The following LDLRAD4 variants were observed in gnomAD, a reference collection of about 807,000 sequenced individuals.
LDLRAD4 encodes the protein low density lipoprotein receptor class A domain containing 4, also known as low-density lipoprotein receptor class A domain-containing protein 4.
In LDLRAD4, 5 loss-of-function variants were observed where a neutral mutation model predicts 17.0. The ratio of observed to expected loss-of-function variants is 0.29; its 90% CI spans 0.15 to 0.62. The LOEUF (loss-of-function observed/expected upper bound fraction) is 0.62. LDLRAD4 is among the 20% of genes least tolerant of loss of function. LDLRAD4 has a pLI of 0.84. For missense variants in LDLRAD4, 340 were observed against 424.7 expected (o/e 0.80, Z 1.75); for synonymous variants, 168 against 171.8 (o/e 0.98, Z 0.17).
chr18:13,612,311 G>A, intron 3 of LDLRAD4: 1 of 1,051,166 alleles, frequency 9.5e-7, no homozygotes, highest in Non-Finnish European at 1.1e-6. Flanking sequence ...GATAGACGTT[G>A]CTGTAAACAG....
chr18:13,456,200 ATGAC>A (rs1241972709), intron 3 of LDLRAD4, among the ~76,000 whole-genome samples: 1 of 152,170 alleles, frequency 6.6e-6, no homozygotes, highest in Non-Finnish European at 1.5e-5. Context: ...AATTACCAAA[ATGAC>A]TGGCTGTGGT....
chr18:13,536,271 AC>A (rs1379151090), intron 3 of LDLRAD4, among the ~76,000 whole-genome samples: 2 of 152,208 alleles, frequency 1.3e-5, no homozygotes, highest in Non-Finnish European at 1.5e-5. Flanking sequence ...CAATTCATTA[AC>A]ATGGTATATC....
At chr18:13,442,511 G>A (rs989924898) in intron 3 of LDLRAD4, among the ~76,000 whole-genome samples, 3 of 152,214 alleles carry the variant, frequency 2.0e-5, no homozygotes, top group Non-Finnish European at 4.4e-5. Context: ...GGGCCCGCGT[G>A]GGGCACGGCT....
At chr18:13,283,533 C>G (rs774945332) in intron 1 of LDLRAD4, among the ~76,000 whole-genome samples, 45 of 152,184 alleles carry the variant, frequency 3.0e-4, no homozygotes, top group African/African-American at 1.1e-3. Context: ...CAGTTCCCAA[C>G]AAGTTCCTCA....
chr18:13,259,672 T>C (rs1439342203), intron 1 of LDLRAD4, among the ~76,000 whole-genome samples: 1 of 152,176 alleles, frequency 6.6e-6, no homozygotes, highest in African/African-American at 2.4e-5. Flanking sequence ...TTTCTGATTC[T>C]CCCCTATAAT....
At chr18:13,405,296 A>G (rs1459429159) in intron 2 of LDLRAD4, among the ~76,000 whole-genome samples, 1 of 152,158 alleles carries the variant, frequency 6.6e-6, no homozygotes, top group Non-Finnish European at 1.5e-5. Context: ...TAGAGAGACA[A>G]TACATCTTGT....
chr18:13,582,873 G>A (rs2094882812), intron 3 of LDLRAD4, among the ~76,000 whole-genome samples: 1 of 152,102 alleles, frequency 6.6e-6, no homozygotes, highest in Non-Finnish European at 1.5e-5. Context: ...CCGCTGTGCT[G>A]GCTAATTTTT....
At chr18:13,373,944 AAT>A (rs1362169211) in intron 1 of LDLRAD4, among the ~76,000 whole-genome samples, 1 of 152,184 alleles carries the variant, frequency 6.6e-6, no homozygotes, top group African/African-American at 2.4e-5. Context: ...CTTCTTTGAT[AAT>A]ATGTCTACAT....
At chr18:13,364,672 G>T (rs1485593199) in intron 1 of LDLRAD4, among the ~76,000 whole-genome samples, 1 of 152,154 alleles carries the variant, frequency 6.6e-6, no homozygotes, top group Non-Finnish European at 1.5e-5. Flanking sequence ...GTATGGAGGG[G>T]CCATGTCATG....
chr18:13,335,380 C>T (rs2082057126), intron 1 of LDLRAD4, among the ~76,000 whole-genome samples: 1 of 152,180 alleles, frequency 6.6e-6, no homozygotes, highest in African/African-American at 2.4e-5. Context: ...TTTTTCATCA[C>T]ATTTGAATGA....
chr18:13,584,204 A>T (rs2094905049), intron 3 of LDLRAD4, among the ~76,000 whole-genome samples: 3 of 152,192 alleles, frequency 2.0e-5, no homozygotes, highest in African/African-American at 7.2e-5. Flanking sequence ...GTTGTCCCAG[A>T]CACACTGTGC....
rs929315758 is a variant in LDLRAD4, at chr18:13,622,616, A to G, written c.336+1345A>G. ...TGTCTGGTGTCCACAGAGCTGCGCC[A>G]TCCAGACGCACTGAACACTTTGGCA... On this transcript the variant is annotated intron_variant, in intron 4 of 5. Transcript: ENST00000359446. The surrounding 1 kb of genome is among the most constrained non-coding windows in gnomAD (Gnocchi z 5.3). Among the ~76,000 whole-genome samples the G allele has an allele frequency of 1.3e-5, 2 of 152,286 alleles. No homozygotes were observed. The highest frequency in any genetic ancestry group is 4.1e-4 in the South Asian group (2 of 4,828).
At chr18:13,436,542 G>A (rs2090670147) in intron 2 of LDLRAD4, among the ~76,000 whole-genome samples, 1 of 152,176 alleles carries the variant, frequency 6.6e-6, no homozygotes, top group Non-Finnish European at 1.5e-5. Context: ...TAGCAACACA[G>A]GGAGTACCTG....
rs572636214 is a variant in LDLRAD4 at position 13,651,715 on chromosome 18, G to A, written c.*6058G>A. The A allele has an allele frequency of 3.3e-5, 5 of 152,284 alleles. No homozygotes were observed. In the East Asian group the frequency reaches 9.6e-4, roughly 29 times the overall value. 9.4% of individuals were successfully genotyped at this position (152,284 alleles called of 1,614,324 possible). On this transcript the variant is annotated 3_prime_UTR_variant, in exon 6 of 6. Coordinates refer to ENST00000359446, the Ensembl canonical transcript of LDLRAD4. Reference sequence around the variant, plus strand: ...GGGTGTGGGCATCCTTTCGAGTGTTGTCCATAAGAGCAGTTCGTGGAATTT... The same window carrying A: ...GGGTGTGGGCATCCTTTCGAGTGTTATCCATAAGAGCAGTTCGTGGAATTT...
intron 3 of LDLRAD4, among the ~76,000 whole-genome samples, chr18:13,501,953 T>G (rs1307607253): frequency 6.6e-6 from 1 of 152,252 alleles, no homozygotes; most frequent in Non-Finnish European, 1.5e-5. Flanking sequence ...ATGCTTTTAC[T>G]CCACTGGCTT....
At chr18:13,402,692 A>G (rs2087340752) in intron 2 of LDLRAD4, among the ~76,000 whole-genome samples, 1 of 152,198 alleles carries the variant, frequency 6.6e-6, no homozygotes. Context: ...CATATGTTGA[A>G]TGAATGAAAT....
intron 3 of LDLRAD4, among the ~76,000 whole-genome samples, chr18:13,541,000 G>A (rs888899986): frequency 2.0e-5 from 3 of 152,124 alleles, no homozygotes; most frequent in African/African-American, 4.8e-5. Context: ...AGGTGGAGGT[G>A]GAAACCTTGA....
intron 3 of LDLRAD4, among the ~76,000 whole-genome samples, chr18:13,555,968 T>C (rs1477632405): frequency 2.6e-5 from 4 of 152,196 alleles, no homozygotes; most frequent in Admixed American, 2.0e-4. Context: ...TGTGAATCTG[T>C]GGTAAGCATT....
intron 3 of LDLRAD4, among the ~76,000 whole-genome samples, chr18:13,481,444 C>G (rs1005270049): frequency 1.3e-5 from 2 of 152,292 alleles, no homozygotes; most frequent in Admixed American, 1.3e-4. Context: ...TTGACGCTGA[C>G]TGCTGTCAGC....
Sources: allele counts gnomAD v4.1 joint callset (sites outside exome capture counted in the v4.1 genomes callset), GRCh38; gene constraint gnomAD v4.1.1; non-coding constraint Gnocchi (gnomAD v3.1); transcripts MANE v1.5; gene names NCBI Gene and HGNC (gene_info 2026-07-23, HGNC 2026-07-21).